The following SSBP2 variants were observed in gnomAD, a reference collection of about 807,000 sequenced individuals.
The protein encoded by SSBP2 is single-stranded DNA-binding protein 2.
In SSBP2, 17 loss-of-function variants were observed where a neutral mutation model predicts 61.8. That is an observed-to-expected ratio of 0.28 (90% CI 0.19 to 0.41). The LOEUF is 0.41. Among genes scored for constraint, SSBP2 ranks in the 10% least tolerant of loss-of-function variants. SSBP2 has a pLI of 1.00. For synonymous variants in SSBP2, 139 were observed against 141.3 expected (o/e 0.98, Z 0.12); for missense variants, 310 against 458.7 (o/e 0.68, Z 2.96).
intron 4 of SSBP2, among the ~76,000 whole-genome samples, chr5:81,519,160 T>C (rs1769264514): frequency 6.6e-6 from 1 of 152,182 alleles, no homozygotes; most frequent in Admixed American, 6.5e-5. Context: ...CTGAAGAAGT[T>C]TCTATAATAT....
rs982262646 is a variant in SSBP2, at chr5:81,618,340, T to C, written c.198-2783A>G. On this transcript the variant is annotated intron_variant, in intron 3 of 16. Transcript: ENST00000320672. ...AAAACAGACTTTAAACCAACAAAGA[T>C]GAAAAGAGACAAAGAAGGCCATTAC... 4.9e-5 allele frequency among the ~76,000 whole-genome samples: 5 copies of C among 102,190 alleles called. 1 individual carries two copies. Among genetic ancestry groups the C allele is most frequent in the African/African-American group, 1.6e-4 (5 of 31,412 alleles). The allele number at this position is 102,190 out of a possible 152,430, so 67.0% of individuals were successfully genotyped here. A position where few individuals can be genotyped will look rare whatever the true frequency, so the allele number is the denominator to read the frequency against.
At chr5:81,733,510 T>C (rs1756400691) in intron 1 of SSBP2, among the ~76,000 whole-genome samples, 1 of 152,168 alleles carries the variant, frequency 6.6e-6, no homozygotes, top group Non-Finnish European at 1.5e-5. Flanking sequence ...ATAGTCTCAC[T>C]AGTAAACTAT....
intron 1 of SSBP2, among the ~76,000 whole-genome samples, chr5:81,731,757 G>A (rs1403933507): frequency 6.6e-6 from 1 of 151,666 alleles, no homozygotes; most frequent in African/African-American, 2.4e-5. Context: ...CTCCTCTATT[G>A]CTTATGTAAG....
intron 8 of SSBP2, 77 bp downstream of exon 8, chr5:81,473,622 CT>C: frequency 7.9e-7 from 1 of 1,261,548 alleles, no homozygotes; most frequent in Non-Finnish European, 1.2e-6. Flanking sequence ...ACCACATTCT[CT>C]TTACCCAGTC....
At chr5:81,711,237 C>T (rs559473741) in intron 1 of SSBP2, among the ~76,000 whole-genome samples, 89 of 152,048 alleles carry the variant, frequency 5.9e-4, no homozygotes, top group African/African-American at 2.0e-3. Flanking sequence ...AGAACTAAAA[C>T]AAAAGAAACA....
intron 4 of SSBP2, among the ~76,000 whole-genome samples, chr5:81,603,974 T>C (rs907241907): frequency 6.6e-6 from 1 of 152,096 alleles, no homozygotes; most frequent in African/African-American, 2.4e-5. Flanking sequence ...TTGAAAATAA[T>C]TGACCACATT....
intron 8 of SSBP2, among the ~76,000 whole-genome samples, chr5:81,471,642 A>G (rs2154020747): frequency 6.6e-6 from 1 of 152,116 alleles, no homozygotes; most frequent in African/African-American, 2.4e-5. Context: ...ATCATTCCTA[A>G]TATGAATAGA....
chr5:81,728,493 T>G (rs1043297327), intron 1 of SSBP2, among the ~76,000 whole-genome samples: 1 of 152,198 alleles, frequency 6.6e-6, no homozygotes, highest in South Asian at 2.1e-4. Context: ...ATTTCAGTTA[T>G]AGTCCTGACT....
At chr5:81,437,673 A>G (rs1448940283) in intron 14 of SSBP2, 2 of 359,620 alleles carry the variant, frequency 5.6e-6, no homozygotes, top group Admixed American at 4.4e-5. Context: ...TTAGTTCCCA[A>G]TCGTTTTTTT....
chr5:81,739,548 C>A (rs749365912), intron 1 of SSBP2, among the ~76,000 whole-genome samples: 2 of 152,096 alleles, frequency 1.3e-5, no homozygotes, highest in Non-Finnish European at 2.9e-5. Flanking sequence ...TAGTGAGGCC[C>A]CTCTGAATGG....
At chr5:81,655,531 A>G (rs904263326) in intron 1 of SSBP2, among the ~76,000 whole-genome samples, 1 of 152,252 alleles carries the variant, frequency 6.6e-6, no homozygotes, top group Non-Finnish European at 1.5e-5. Flanking sequence ...CCAAGTTATC[A>G]AAATGATGAC....
chr5:81,612,972 T>A (rs964154712), intron 4 of SSBP2, among the ~76,000 whole-genome samples: 4 of 152,088 alleles, frequency 2.6e-5, no homozygotes, highest in Admixed American at 2.6e-4. Context: ...AGAAATTATC[T>A]ACTATTAAGA....
intron 4 of SSBP2, among the ~76,000 whole-genome samples, chr5:81,544,295 C>G (rs76899577): frequency 0.019 from 2,905 of 152,246 alleles, 109 homozygotes; most frequent in African/African-American, 0.067. Context: ...GATCCGCCCC[C>G]CTCAGCCACC....
intron 5 of SSBP2, among the ~76,000 whole-genome samples, chr5:81,504,318 G>A (rs956901431): frequency 1.3e-5 from 2 of 152,100 alleles, no homozygotes; most frequent in African/African-American, 4.8e-5. Context: ...CCAGAATGAT[G>A]CTGTTAAAAC....
At chr5:81,459,556 G>A (rs1764399067) in intron 10 of SSBP2, among the ~76,000 whole-genome samples, 1 of 152,166 alleles carries the variant, frequency 6.6e-6, no homozygotes, top group African/African-American at 2.4e-5. Flanking sequence ...TAGTTAAGGT[G>A]AGCCATTGGT....
At chr5:81,690,080 T>G (rs1389365339) in intron 1 of SSBP2, among the ~76,000 whole-genome samples, 1 of 150,570 alleles carries the variant, frequency 6.6e-6, no homozygotes, top group Non-Finnish European at 1.5e-5. Context: ...TAACCTCAAA[T>G]CAAAAAGAAT....
At chr5:81,472,699 A>G (rs1580771187) in intron 8 of SSBP2, among the ~76,000 whole-genome samples, 1 of 152,236 alleles carries the variant, frequency 6.6e-6, no homozygotes, top group East Asian at 1.9e-4. Flanking sequence ...TCCCAGGTTT[A>G]AGCGATTCTT....
chr5:81,535,107 A>G (rs1770711730), intron 4 of SSBP2, among the ~76,000 whole-genome samples: 2 of 152,212 alleles, frequency 1.3e-5, no homozygotes, highest in South Asian at 2.1e-4. Flanking sequence ...TACAAAAGCC[A>G]ATTGATTTTC....
At chr5:81,538,578 A>G (rs1370450934) in intron 4 of SSBP2, among the ~76,000 whole-genome samples, 3 of 152,234 alleles carry the variant, frequency 2.0e-5, no homozygotes, top group Non-Finnish European at 4.4e-5. Context: ...GCTAAAGAGC[A>G]GAAGTCAATG....
Sources: allele counts gnomAD v4.1 joint callset (sites outside exome capture counted in the v4.1 genomes callset), GRCh38; gene constraint gnomAD v4.1.1; transcripts MANE v1.5; gene names NCBI Gene and HGNC (gene_info 2026-07-23, HGNC 2026-07-21).